PTPRT: variants seen among roughly 807,000 people sequenced by gnomAD.
PTPRT encodes protein tyrosine phosphatase receptor type T.
A neutral mutation model predicts 176.8 loss-of-function variants in PTPRT; 56 were observed. The observed-to-expected ratio is 0.32, with a 90% CI of 0.26 to 0.40. The LOEUF (loss-of-function observed/expected upper bound fraction) is 0.40, where lower values mean the gene tolerates loss of function less well. Ranked by LOEUF, PTPRT falls within the 10% of genes least tolerant of loss-of-function variation. The pLI is 1.00. For synonymous variants in PTPRT, 783 were observed against 739.0 expected (o/e 1.06, Z -0.96); for missense variants, 1,540 against 1,908.2 (o/e 0.81, Z 3.60).
intron 1 of PTPRT, among the ~76,000 whole-genome samples, chr20:42,908,401 A>G (rs2079505699): frequency 1.3e-5 from 2 of 152,162 alleles, no homozygotes; most frequent in Non-Finnish European, 2.9e-5. Context: ...ATTCACAACA[A>G]ATAATAAATT....
chr20:43,021,584 G>T (rs1985682406), intron 1 of PTPRT, among the ~76,000 whole-genome samples: 1 of 152,066 alleles, frequency 6.6e-6, no homozygotes, highest in African/African-American at 2.4e-5. Context: ...TGGCTGAATG[G>T]GGGCTGGGCT....
At chr20:42,436,014 G>A (rs148354346) in intron 9 of PTPRT, among the ~76,000 whole-genome samples, 103 of 152,236 alleles carry the variant, frequency 6.8e-4, no homozygotes, top group Admixed American at 4.6e-3. Context: ...AGGAGAGACT[G>A]TAAAAAGGAC....
intron 7 of PTPRT, among the ~76,000 whole-genome samples, chr20:42,615,907 A>C (rs2074066570): frequency 8.5e-6 from 1 of 117,140 alleles, no homozygotes; most frequent in African/African-American, 4.7e-5. Flanking sequence ...CTCTGATGGT[A>C]GTTTCTTTTG....
chr20:42,234,578 T>A (rs1039740285), intron 15 of PTPRT, among the ~76,000 whole-genome samples: 16 of 152,244 alleles, frequency 1.1e-4, no homozygotes, highest in Non-Finnish European at 2.9e-5. Context: ...ATCACTCAAC[T>A]AAGTGTTCCT....
chr20:42,674,253 T>C (rs2075461009), intron 7 of PTPRT, among the ~76,000 whole-genome samples: 1 of 152,174 alleles, frequency 6.6e-6, no homozygotes, highest in Admixed American at 6.5e-5. Flanking sequence ...TGTGAATTAT[T>C]CAAGATTTTA....
At chr20:42,238,628 A>G (rs550443766) in intron 14 of PTPRT, among the ~76,000 whole-genome samples, 71 of 152,346 alleles carry the variant, frequency 4.7e-4, no homozygotes, top group Admixed American at 1.2e-3. Flanking sequence ...TGTATTGTCA[A>G]GAACACTGAG....
At chr20:42,489,974 A>T (rs546163007) in intron 7 of PTPRT, among the ~76,000 whole-genome samples, 2 of 152,196 alleles carry the variant, frequency 1.3e-5, no homozygotes, top group African/African-American at 4.8e-5. Flanking sequence ...CAGTAAAAAA[A>T]GTTTTCCTCA....
chr20:43,096,728 A>G (rs912921436), intron 1 of PTPRT, among the ~76,000 whole-genome samples: 1 of 152,154 alleles, frequency 6.6e-6, no homozygotes, highest in African/African-American at 2.4e-5. Context: ...GCCTGGCTGG[A>G]GAGGGCTGGA....
At chr20:42,558,942 A>T (rs2072905290) in intron 7 of PTPRT, among the ~76,000 whole-genome samples, 1 of 152,160 alleles carries the variant, frequency 6.6e-6, no homozygotes, top group Non-Finnish European at 1.5e-5. Flanking sequence ...ACTGTGACCA[A>T]GATGGAAGCT....
At chr20:42,758,719 A>T (rs886347131) in intron 5 of PTPRT, among the ~76,000 whole-genome samples, 7 of 152,194 alleles carry the variant, frequency 4.6e-5, no homozygotes, top group African/African-American at 1.4e-4. Context: ...TACACATCAG[A>T]GCAACATGCA....
intron 6 of PTPRT, among the ~76,000 whole-genome samples, chr20:42,683,271 T>TTTTTGTTTTG (rs11267321): frequency 0.072 from 10,726 of 149,346 alleles, 1,256 homozygotes; most frequent in African/African-American, 0.24. Flanking sequence ...TTACTTGTTT[T>TTTTTGTTTTG]TTTTGTTTTG....
At chr20:42,696,902 G>C (rs1003368223) in intron 6 of PTPRT, among the ~76,000 whole-genome samples, 1 of 152,122 alleles carries the variant, frequency 6.6e-6, no homozygotes, top group African/African-American at 2.4e-5. Flanking sequence ...GCCAGAACCA[G>C]CTATCAAGCT....
Position 42,080,834 on chromosome 20 carries a change from G to T in PTPRT, c.*45C>A. The T allele has an allele frequency of 6.4e-7, 1 of 1,570,656 alleles. No individual in the cohort carries two copies. Among genetic ancestry groups the T allele is most frequent in the South Asian group, 1.1e-5 (1 of 90,128 alleles). ...TGCCATTCACACAAAAGGGGGCTTG[G>T]TCACAGCAGCCTCTGGACTCCGGCA... On this transcript the variant is annotated 3_prime_UTR_variant, in exon 31 of 31. Transcript: ENST00000373187.
chr20:43,079,059 T>C (rs925469425), intron 1 of PTPRT, among the ~76,000 whole-genome samples: 2 of 152,112 alleles, frequency 1.3e-5, no homozygotes, highest in African/African-American at 4.8e-5. Context: ...AACCCAGATA[T>C]TCCCTGGAAA....
At chr20:42,529,027 T>C (rs1197697163) in intron 7 of PTPRT, among the ~76,000 whole-genome samples, 1 of 152,226 alleles carries the variant, frequency 6.6e-6, no homozygotes, top group Non-Finnish European at 1.5e-5. Flanking sequence ...GTATGCTTCC[T>C]GCGAGAACTA....
At chr20:42,247,424 T>C (rs190799135) in intron 14 of PTPRT, among the ~76,000 whole-genome samples, 6 of 152,314 alleles carry the variant, frequency 3.9e-5, no homozygotes, top group Admixed American at 3.9e-4. Flanking sequence ...AAATTCTTCA[T>C]TTTATATTCA....
chr20:42,332,757 G>C (rs1303821213), intron 11 of PTPRT, among the ~76,000 whole-genome samples: 1 of 152,072 alleles, frequency 6.6e-6, no homozygotes, highest in Non-Finnish European at 1.5e-5. Flanking sequence ...TGGAAAACTT[G>C]TATCTGCCAC....
At chr20:42,586,799 T>C (rs1398086563) in intron 7 of PTPRT, among the ~76,000 whole-genome samples, 2 of 152,224 alleles carry the variant, frequency 1.3e-5, no homozygotes, top group Non-Finnish European at 2.9e-5. Context: ...GTTTGCTGGA[T>C]GGCTATACCC....
chr20:42,687,792 C>T (rs2075723490), intron 6 of PTPRT: 1 of 152,200 alleles, frequency 6.6e-6, no homozygotes, highest in South Asian at 2.1e-4. Context: ...TTAAGAGTTC[C>T]AGAGACAACC....
Sources: gnomAD v4.1 joint callset for allele counts (sites outside exome capture counted in the v4.1 genomes callset) on GRCh38, gnomAD v4.1.1 for gene constraint, MANE v1.5 for transcripts, NCBI Gene and HGNC (gene_info 2026-07-23, HGNC 2026-07-21) for gene names.